ADAMTS6: variants seen among roughly 807,000 people sequenced by gnomAD.
ADAMTS6 encodes ADAM metallopeptidase with thrombospondin type 1 motif 6, also known as A disintegrin and metalloproteinase with thrombospondin motifs 6.
Under a neutral mutation model 144.3 loss-of-function variants are expected in ADAMTS6, and 23 were observed. The ratio of observed to expected loss-of-function variants is 0.16; its 90% confidence interval spans 0.11 to 0.23. ADAMTS6 has a LOEUF of 0.23. ADAMTS6 is among the 10% of genes least tolerant of loss of function. The probability of loss-of-function intolerance (pLI) is 1.00; values close to 1 mark genes in which losing one functional copy is unlikely to be tolerated. For missense variants in ADAMTS6, 999 were observed against 1,379.6 expected, an observed-to-expected ratio of 0.72 and a Z score of 4.37; for synonymous variants, 444 against 457.5, an observed-to-expected ratio of 0.97 and a Z score of 0.38.
At chr5:65,267,258 G>C (rs1761694310) in intron 12 of ADAMTS6, among the ~76,000 whole-genome samples, 1 of 151,948 alleles carries the variant, frequency 6.6e-6, no homozygotes, top group African/African-American at 2.4e-5. Context: ...ATTTTCAAAG[G>C]TTATCCAATC....
At chr5:65,327,346 A>G (rs977704060) in intron 9 of ADAMTS6, among the ~76,000 whole-genome samples, 1 of 152,160 alleles carries the variant, frequency 6.6e-6, no homozygotes, top group African/African-American at 2.4e-5. Context: ...AAAACAGACT[A>G]TATATGCTAA....
At chr5:65,376,282 T>A (rs1248630920) in intron 7 of ADAMTS6, among the ~76,000 whole-genome samples, 1 of 151,378 alleles carries the variant, frequency 6.6e-6, no homozygotes, top group African/African-American at 2.4e-5. Flanking sequence ...AATAAAAACA[T>A]AAAAATAAAA....
intron 4 of ADAMTS6, among the ~76,000 whole-genome samples, chr5:65,457,444 A>G (rs1184733665): frequency 6.6e-6 from 1 of 152,220 alleles, no homozygotes; most frequent in Non-Finnish European, 1.5e-5. Flanking sequence ...CCAAAAGTGC[A>G]GAATTTTATG....
chr5:65,472,270 A>T (rs1760504069), intron 2 of ADAMTS6, among the ~76,000 whole-genome samples: 1 of 152,134 alleles, frequency 6.6e-6, no homozygotes, highest in Non-Finnish European at 1.5e-5. Context: ...CTACAGCTGG[A>T]GGTGAAGGCT....
chr5:65,187,491 T>C (rs1042735163), intron 22 of ADAMTS6, among the ~76,000 whole-genome samples: 2 of 152,190 alleles, frequency 1.3e-5, no homozygotes, highest in Non-Finnish European at 2.9e-5. Flanking sequence ...ATAAAATATA[T>C]AGATAGGTCG....
chr5:65,296,087 T>C (rs1453133631), intron 10 of ADAMTS6, among the ~76,000 whole-genome samples: 2 of 152,156 alleles, frequency 1.3e-5, no homozygotes, highest in African/African-American at 4.8e-5. Context: ...TGAATTTTAG[T>C]CTACAATACA....
chr5:65,332,310 TATAGAGAGAGAGAGAGAG>T (rs1343255070), intron 8 of ADAMTS6, among the ~76,000 whole-genome samples: 1 of 113,584 alleles, frequency 8.8e-6, no homozygotes, highest in Non-Finnish European at 1.9e-5. Flanking sequence ...TATATATATA[TATAGAGAGAGAGAGAGAG>T]AGAGAGAGAG....
chr5:65,155,675 G>A (rs1752372083), intron 24 of ADAMTS6, among the ~76,000 whole-genome samples: 2 of 152,064 alleles, frequency 1.3e-5, no homozygotes, highest in South Asian at 2.1e-4. Context: ...ACTCATGCTG[G>A]GTCACACAGC....
intron 22 of ADAMTS6, among the ~76,000 whole-genome samples, chr5:65,176,685 G>C (rs183862190): frequency 5.9e-5 from 9 of 152,250 alleles, no homozygotes; most frequent in Admixed American, 3.9e-4. Context: ...CTTATGGTCT[G>C]ACATTAAAAA....
At chr5:65,372,715 A>G (rs1339850564) in intron 7 of ADAMTS6, among the ~76,000 whole-genome samples, 3 of 152,170 alleles carry the variant, frequency 2.0e-5, no homozygotes, top group East Asian at 3.8e-4. Flanking sequence ...GAAAGTCAAT[A>G]AGGATACCCA....
At chr5:65,315,935 G>A (rs183533514) in intron 9 of ADAMTS6, among the ~76,000 whole-genome samples, 28 of 152,068 alleles carry the variant, frequency 1.8e-4, no homozygotes, top group Admixed American at 9.8e-4. Flanking sequence ...TTTTGGAGAC[G>A]GAGTCTCGCT....
intron 22 of ADAMTS6, among the ~76,000 whole-genome samples, chr5:65,187,289 T>G (rs1293950600): frequency 1.3e-5 from 2 of 152,216 alleles, no homozygotes; most frequent in African/African-American, 4.8e-5. Context: ...ACCTCTTACC[T>G]AATTTTTCAT....
In ADAMTS6 at chr5:65,473,597, C is replaced by T. The variant is rs1760632605; in HGVS notation, c.77G>A (p.Arg26Lys). Reference protein sequence around the residue: ...MASSEFHSDHRLSYSSQEEFL... With the variant: ...MASSEFHSDHKLSYSSQEEFL... ...CCTACCTTGAGAACTGTATGAAAGC[C>T]TGTGGTCACTATGAAATTCCGATGA... is the stretch of plus-strand genomic sequence containing the variant. Residue 26 changes from arginine to lysine, a missense_variant, in exon 2 of 25, where the codon AGG becomes AAG. Coordinates refer to ENST00000381055, the MANE Select transcript of ADAMTS6 (RefSeq NM_197941.4). 1.2e-6 allele frequency: 2 copies of T among 1,613,528 alleles called. No individual in the cohort carries two copies. Among genetic ancestry groups the T allele is most frequent in the African/African-American group, 2.7e-5 (2 of 74,868 alleles).
At chr5:65,289,491 A>G (rs774978940) in intron 11 of ADAMTS6, among the ~76,000 whole-genome samples, 2 of 152,196 alleles carry the variant, frequency 1.3e-5, no homozygotes, top group African/African-American at 4.8e-5. Flanking sequence ...GTGCCACTGC[A>G]CTCCAGCCTG....
intron 7 of ADAMTS6, among the ~76,000 whole-genome samples, chr5:65,356,241 A>C (rs1749312080): frequency 6.6e-6 from 1 of 151,932 alleles, no homozygotes; most frequent in South Asian, 2.1e-4. Context: ...TAAAAATGTT[A>C]GATGAAGACA....
At chr5:65,268,381 A>G (rs1203373641) in intron 12 of ADAMTS6, among the ~76,000 whole-genome samples, 5 of 152,182 alleles carry the variant, frequency 3.3e-5, no homozygotes, top group African/African-American at 7.2e-5. Flanking sequence ...CACTACTATC[A>G]AAGTTTTTAC....
rs551355997 is a variant in ADAMTS6 at position 65,301,300 on chromosome 5, T to G, written c.1224-1169A>C. On this transcript the variant is annotated intron_variant, in intron 9 of 24. Transcript: ENST00000381055. ...AGTAACCAGAAGTTTTGGTTGAATA[T>G]TACTAAGAAAATAAATTTATGTGTC... 1.5e-3 allele frequency among the ~76,000 whole-genome samples: 234 copies of G among 152,320 alleles called. No individual in the cohort carries two copies. In the Middle Eastern group the frequency reaches 0.017, roughly 11 times the overall value.
chr5:65,400,479 G>C (rs1455408909), intron 7 of ADAMTS6, among the ~76,000 whole-genome samples: 4 of 152,236 alleles, frequency 2.6e-5, no homozygotes, highest in Non-Finnish European at 1.5e-5. Flanking sequence ...GCCTCTCAAA[G>C]TGTTGGAATT....
chr5:65,210,870 T>C (rs527664626), intron 20 of ADAMTS6: 1 of 332,710 alleles, frequency 3.0e-6, no homozygotes, highest in East Asian at 5.5e-5. Context: ...CAGGAGAGAA[T>C]CCAGTCTATG....
Sources: allele counts gnomAD v4.1 joint callset (sites outside exome capture counted in the v4.1 genomes callset), GRCh38; gene constraint gnomAD v4.1.1; transcripts MANE v1.5; gene names NCBI Gene and HGNC (gene_info 2026-07-23, HGNC 2026-07-21).